The following DLG2 variants were observed in gnomAD, a reference collection of about 807,000 sequenced individuals.
DLG2 encodes disks large homolog 2.
DLG2 carries 45 observed loss-of-function variants against 132.5 expected under a neutral mutation model. That is an observed-to-expected ratio of 0.34 (90% CI 0.27 to 0.44). The LOEUF (loss-of-function observed/expected upper bound fraction) is 0.44. Ranked by LOEUF, DLG2 falls within the 20% of genes least tolerant of loss-of-function variation. DLG2 has a pLI of 1.00. For missense variants in DLG2, 1,045 were observed against 1,196.9 expected (o/e 0.87, Z 1.87); for synonymous variants, 424 against 419.6 (o/e 1.01, Z -0.13).
chr11:84,188,372 C>G (rs2096326733), intron 8 of DLG2, among the ~76,000 whole-genome samples: 1 of 152,078 alleles, frequency 6.6e-6, no homozygotes, highest in South Asian at 2.1e-4. Context: ...GATTGCATCT[C>G]CAGATGCTCT....
At chr11:84,287,235 A>C (rs2097918539) in intron 7 of DLG2, among the ~76,000 whole-genome samples, 1 of 152,138 alleles carries the variant, frequency 6.6e-6, no homozygotes, top group Non-Finnish European at 1.5e-5. Flanking sequence ...ACTAATTCAC[A>C]AGCACCTTTA....
chr11:84,935,510 G>A (rs952536937), intron 6 of DLG2, among the ~76,000 whole-genome samples: 2 of 152,072 alleles, frequency 1.3e-5, no homozygotes, highest in Non-Finnish European at 2.9e-5. Flanking sequence ...AAAGTACTAT[G>A]CCCTCTTCAA....
chr11:85,598,641 C>T lies in DLG2; in HGVS notation c.40+16G>A, dbSNP rs1312773814. 15 of 1,532,072 alleles carry T rather than the reference C, an allele frequency of 9.8e-6. No individual in the cohort carries two copies. The highest frequency in any genetic ancestry group is 2.1e-5 in the Admixed American group (1 of 47,728). The allele number at this position is 1,532,072 out of a possible 1,614,324, so 94.9% of individuals were successfully genotyped here. On this transcript the variant is annotated intron_variant, in intron 3 of 27. Transcript: ENST00000376104. ...TTCTGACCATTAAAATGATGAATAACTTTCATAATACATACCTAGCAAAGC... is the reference window on the plus strand; with the variant it reads ...TTCTGACCATTAAAATGATGAATAATTTTCATAATACATACCTAGCAAAGC...
At chr11:84,050,149 G>A (rs1245935200) in intron 11 of DLG2, among the ~76,000 whole-genome samples, 1 of 92,126 alleles carries the variant, frequency 1.1e-5, no homozygotes, top group Non-Finnish European at 2.8e-5. Context: ...AAAACTACTG[G>A]AGACTTTTTT....
At chr11:84,723,807 T>G (rs1014434438) in intron 6 of DLG2, among the ~76,000 whole-genome samples, 2 of 152,162 alleles carry the variant, frequency 1.3e-5, no homozygotes, top group African/African-American at 4.8e-5. Context: ...TGATAAAATT[T>G]ACAGTTCTTC....
At chr11:83,596,673 C>T (rs2057639760) in intron 19 of DLG2, among the ~76,000 whole-genome samples, 1 of 152,190 alleles carries the variant, frequency 6.6e-6, no homozygotes, top group South Asian at 2.1e-4. Context: ...TTCCATTCAC[C>T]TGAACCTAAT....
rs915751627 is a variant in DLG2 at position 85,021,359 on chromosome 11, G to A, written c.357+90302C>T. ...GAGCCATACATCTGTGCTGCAGATC[G>A]TTTCACACCTGCTTTTCCTCGGTTC... On this transcript the variant is annotated intron_variant, in intron 6 of 27. Transcript: ENST00000376104. The A allele has an allele frequency of 1.1e-5, 14 of 1,312,650 alleles. No individual in the cohort carries two copies. In the East Asian group the frequency reaches 1.2e-4, roughly 11 times the overall value. The allele number at this position is 1,312,650 out of a possible 1,614,324, so 81.3% of individuals were successfully genotyped here. A position where few individuals can be genotyped will look rare whatever the true frequency, so the allele number is the denominator to read the frequency against.
chr11:83,570,039 T>C (rs927653213), intron 19 of DLG2, among the ~76,000 whole-genome samples: 3 of 152,224 alleles, frequency 2.0e-5, no homozygotes, highest in African/African-American at 4.8e-5. Flanking sequence ...GTTAAACCTA[T>C]GGCTGGTCAC....
At chr11:85,506,970 A>T (rs947981837) in intron 3 of DLG2, among the ~76,000 whole-genome samples, 1 of 151,986 alleles carries the variant, frequency 6.6e-6, no homozygotes, top group African/African-American at 2.4e-5. Flanking sequence ...ACCATTATGT[A>T]ATGGCCTTGT....
chr11:83,906,787 C>T (rs927988941), intron 15 of DLG2, among the ~76,000 whole-genome samples: 2 of 152,090 alleles, frequency 1.3e-5, no homozygotes, highest in East Asian at 1.9e-4. Context: ...AACCAACCAA[C>T]CTAACAAAAA....
At chr11:85,503,625 G>A (rs1028174644) in intron 3 of DLG2, among the ~76,000 whole-genome samples, 5 of 152,016 alleles carry the variant, frequency 3.3e-5, no homozygotes, top group African/African-American at 1.2e-4. Flanking sequence ...AGTGGAACTG[G>A]TGGCTTTATA....
At chr11:84,596,650 T>C (rs1297049649) in intron 6 of DLG2, among the ~76,000 whole-genome samples, 2 of 152,102 alleles carry the variant, frequency 1.3e-5, no homozygotes, top group Non-Finnish European at 2.9e-5. Context: ...AGGGTGTATG[T>C]AGTCATTTGT....
At chr11:84,044,443 G>T (rs1173312350) in intron 11 of DLG2, among the ~76,000 whole-genome samples, 1 of 151,538 alleles carries the variant, frequency 6.6e-6, no homozygotes, top group African/African-American at 2.4e-5. Flanking sequence ...GAATTATTTT[G>T]TTTTCCCACG....
At chr11:83,483,586 C>T (rs1350200800) in intron 22 of DLG2, among the ~76,000 whole-genome samples, 2 of 152,218 alleles carry the variant, frequency 1.3e-5, no homozygotes, top group African/African-American at 2.4e-5. Flanking sequence ...ATCACGTTGC[C>T]ACAGAAATGT....
At chr11:84,789,743 T>C (rs1348369344) in intron 6 of DLG2, among the ~76,000 whole-genome samples, 1 of 152,124 alleles carries the variant, frequency 6.6e-6, no homozygotes, top group African/African-American at 2.4e-5. Context: ...CTTCCCAGTC[T>C]CTGGTAACTA....
rs1394032642 is a variant in DLG2 at position 83,627,214 on chromosome 11, A to G, written c.1940+5997T>C. 3.3e-5 allele frequency among the ~76,000 whole-genome samples: 5 copies of G among 151,462 alleles called. No homozygotes were observed. In the East Asian group the frequency reaches 5.8e-4, roughly 18 times the overall value. On this transcript the variant is annotated intron_variant, in intron 19 of 27. Coordinates refer to ENST00000376104, the MANE Select transcript of DLG2 (RefSeq NM_001142699.3). ...ATTTTTTATTTATTTATTTTATTTT[A>G]TTATTATTATACTTTAACTTTTAGG...
intron 6 of DLG2, among the ~76,000 whole-genome samples, chr11:84,855,568 CT>C (rs1415276545): frequency 6.6e-6 from 1 of 152,008 alleles, no homozygotes; most frequent in Non-Finnish European, 1.5e-5. Context: ...CAAGAAACAT[CT>C]TCTCTCATTA....
intron 3 of DLG2, among the ~76,000 whole-genome samples, chr11:85,575,822 C>T (rs911228264): frequency 1.3e-5 from 2 of 152,148 alleles, no homozygotes; most frequent in Non-Finnish European, 2.9e-5. Context: ...CCATACTATA[C>T]ATTTGTATAT....
intron 7 of DLG2, among the ~76,000 whole-genome samples, chr11:84,502,240 TTCC>T (rs2099213818): frequency 2.8e-4 from 10 of 35,578 alleles, no homozygotes; most frequent in African/African-American, 4.7e-4. Flanking sequence ...CCTTCCTTCC[TTCC>T]TTCCTTCCTT....
Sources: gnomAD v4.1 joint callset for allele counts (sites outside exome capture counted in the v4.1 genomes callset) on GRCh38, gnomAD v4.1.1 for gene constraint, MANE v1.5 for transcripts, NCBI Gene and HGNC (gene_info 2026-07-23, HGNC 2026-07-21) for gene names.